The following DPH6 variants were observed in gnomAD, a reference collection of about 807,000 sequenced individuals.
DPH6 encodes diphthine--ammonia ligase.
Under a neutral mutation model 38.2 loss-of-function variants are expected in DPH6, and 33 were observed. That is an observed-to-expected ratio of 0.86 (90% CI 0.65 to 1.15). The LOEUF is 1.15. Among genes scored for constraint, DPH6 ranks in the 50% most tolerant of loss-of-function variants. The probability of loss-of-function intolerance (pLI) is 0.00; values close to 1 mark genes in which losing one functional copy is unlikely to be tolerated. For missense variants in DPH6, 325 were observed against 320.0 expected (o/e 1.02, Z -0.12); for synonymous variants, 108 against 103.0 (o/e 1.05, Z -0.30).
chr15:35,292,528 G>C (rs966126758), intron 3 of DPH6, among the ~76,000 whole-genome samples: 6 of 152,128 alleles, frequency 3.9e-5, no homozygotes, highest in Non-Finnish European at 7.4e-5. Context: ...TTCAACTGGT[G>C]ACTGGGATAA....
At chr15:35,508,792 A>C (rs936527060) in intron 3 of DPH6, among the ~76,000 whole-genome samples, 2 of 152,162 alleles carry the variant, frequency 1.3e-5, no homozygotes, top group African/African-American at 4.8e-5. Context: ...CCATCCCTTT[A>C]GGGAGAAATA....
chr15:35,416,662 G>C (rs2053439805), intron 5 of DPH6, among the ~76,000 whole-genome samples: 2 of 152,068 alleles, frequency 1.3e-5, no homozygotes, highest in African/African-American at 4.8e-5. Context: ...CTGATGCCTT[G>C]CTGGTTACTT....
chr15:35,515,500 T>C (rs1411818707), intron 3 of DPH6, among the ~76,000 whole-genome samples: 4 of 151,900 alleles, frequency 2.6e-5, no homozygotes, highest in Admixed American at 6.6e-5. Context: ...GGTGGGTGGA[T>C]CACAAGGTCA....
At chr15:35,164,492 T>A in the DPH6 span, among the ~76,000 whole-genome samples, 26 of 151,998 alleles carry the variant, frequency 1.7e-4, no homozygotes, top group Admixed American at 1.2e-3. Flanking sequence ...ACTGTAAGTA[T>A]CAGCAGTGAA....
At chr15:35,314,499 T>C (rs2052171347) in intron 3 of DPH6, among the ~76,000 whole-genome samples, 1 of 152,194 alleles carries the variant, frequency 6.6e-6, no homozygotes, top group African/African-American at 2.4e-5. Flanking sequence ...ACGCATTTGG[T>C]CTGGGAACTG....
At chr15:35,287,681 G>C (rs926438288) in intron 3 of DPH6, among the ~76,000 whole-genome samples, 7 of 152,024 alleles carry the variant, frequency 4.6e-5, no homozygotes, top group Admixed American at 4.6e-4. Flanking sequence ...ATTTTCACAA[G>C]TGATTATTTT....
rs558946291 is a variant in DPH6, at chr15:35,320,624, T to C, written n.200+52897A>G. 3.8e-4 allele frequency among the ~76,000 whole-genome samples: 58 copies of C among 152,356 alleles called. No individual in the cohort carries two copies. In the South Asian group the frequency reaches 0.012, roughly 31 times the overall value. ...ATTCCTTCTAGTTCCCTGCAGTTGT[T>C]AATCTTTGGCTTATTTTCATGGTTC... On this transcript the variant is annotated intron_variant and non_coding_transcript_variant, in intron 3 of 3. Transcript: ENST00000560386.
At chr15:35,254,774 G>A (rs1293562315) in intron 3 of DPH6, among the ~76,000 whole-genome samples, 1 of 152,176 alleles carries the variant, frequency 6.6e-6, no homozygotes, top group African/African-American at 2.4e-5. Context: ...GAGAGTCAGC[G>A]AAGGGAGATA....
At chr15:35,184,243 G>A in the DPH6 span, among the ~76,000 whole-genome samples, 680 of 152,308 alleles carry the variant, frequency 4.5e-3, no homozygotes, top group Non-Finnish European at 7.6e-3. Flanking sequence ...ATTCAGCCAA[G>A]TCTGATAGAC....
At chr15:35,190,926 A>T in the DPH6 span, among the ~76,000 whole-genome samples, 2 of 152,144 alleles carry the variant, frequency 1.3e-5, no homozygotes, top group Non-Finnish European at 2.9e-5. Flanking sequence ...CTAAAATTTC[A>T]CCTTGCAGTG....
intron 3 of DPH6, among the ~76,000 whole-genome samples, chr15:35,464,906 CATG>C (rs1172904741): frequency 2.0e-5 from 3 of 152,188 alleles, no homozygotes; most frequent in Admixed American, 2.0e-4. Context: ...TACTATATTA[CATG>C]CAGCTAAAAG....
In DPH6 at chr15:35,293,222, A is replaced by G. The variant is rs371672217; in HGVS notation, n.201-72640T>C. Among the ~76,000 whole-genome samples, 11 of 152,210 alleles carry G rather than the reference A, an allele frequency of 7.2e-5. No individual in the cohort carries two copies. In the East Asian group the frequency reaches 9.6e-4, roughly 13 times the overall value. ...ATGCTAGTTTTAATAACAAATAGGG[A>G]CTTTTTCCAGGAAAAATAAAGAATA... On this transcript the variant is annotated intron_variant and non_coding_transcript_variant, in intron 3 of 3. Coordinates refer to the DPH6 transcript ENST00000560386.
At chr15:35,421,592 T>C (rs2053505895) in intron 5 of DPH6, among the ~76,000 whole-genome samples, 1 of 152,150 alleles carries the variant, frequency 6.6e-6, no homozygotes, top group Admixed American at 6.5e-5. Context: ...ATTTGAAATA[T>C]TTATTCCTGA....
In DPH6 at chr15:35,372,189, A is replaced by G. The variant is rs746398667; in HGVS notation, c.765T>C (p.Pro255=). The G allele has an allele frequency of 1.3e-6, 2 of 1,505,614 alleles. No homozygotes were observed. The highest frequency in any genetic ancestry group is 1.4e-5 in the South Asian group (1 of 72,606). 93.3% of individuals were successfully genotyped at this position (1,505,614 alleles called of 1,614,324 possible). A position where few individuals can be genotyped will look rare whatever the true frequency, so the allele number is the denominator to read the frequency against. The change falls in exon 9 of 9, where the codon CCT becomes CCC. Residue 255 remains proline (P), a synonymous_variant. Transcript: ENST00000256538. ...LHLEDKVSSV[P]DNYRTSNYIY... is the part of the protein sequence containing the mutation. ...TATAATTAGATGTTCTGTAGTTGTC[A>G]GGCACTGAGGACACCTAAAAAAAAA...
exon 4 of DPH6, chr15:35,220,329 G>A (rs1449892115): frequency 6.6e-6 from 1 of 152,180 alleles, no homozygotes; most frequent in Non-Finnish European, 1.5e-5. Context: ...TTGGATTAGT[G>A]TAGTAGATTT....
Position 35,521,886 on chromosome 15 carries a change from T to C in DPH6, c.312+16388A>G, listed in dbSNP as rs1446180771. 7 of 1,394,566 alleles carry C rather than the reference T, an allele frequency of 5.0e-6. No homozygotes were observed. The African/African-American group carries it at 1.0e-4, about 20-fold the overall frequency. 86.4% of individuals were successfully genotyped at this position (1,394,566 alleles called of 1,614,324 possible). The stretch of plus-strand genomic sequence containing the variant: ...TCATTAATGTTAATTAGTGTTCACA[T>C]TACATTCCTTGGGATGAATCTCCTT... On this transcript the variant is annotated intron_variant, in intron 3 of 8. Transcript: ENST00000256538.
At chr15:35,330,739 C>G (rs999779422), downstream of DPH6, 2 of 152,142 alleles carry the variant, frequency 1.3e-5, no homozygotes, top group Non-Finnish European at 2.9e-5. Flanking sequence ...TACTTTTTCT[C>G]TTTACAACCT....
chr15:35,319,849 A>G (rs2140842110), intron 3 of DPH6, among the ~76,000 whole-genome samples: 1 of 152,158 alleles, frequency 6.6e-6, no homozygotes, highest in East Asian at 1.9e-4. Flanking sequence ...CAAGAACAGT[A>G]AGAAATTTCT....
intron 3 of DPH6, among the ~76,000 whole-genome samples, chr15:35,498,400 G>A (rs1253534043): frequency 6.6e-6 from 1 of 151,776 alleles, no homozygotes; most frequent in Non-Finnish European, 1.5e-5. Context: ...TCACTTCTTG[G>A]GACAGAAAAA....
Sources: gnomAD v4.1 joint callset for allele counts (sites outside exome capture counted in the v4.1 genomes callset) on GRCh38, gnomAD v4.1.1 for gene constraint, MANE v1.5 for transcripts, NCBI Gene and HGNC (gene_info 2026-07-23, HGNC 2026-07-21) for gene names.